The following CAPS2 variants were observed in gnomAD, a reference collection of about 807,000 sequenced individuals.
CAPS2 encodes calcyphosine 2.
A neutral mutation model predicts 86.5 loss-of-function variants in CAPS2; 98 were observed. The ratio of observed to expected loss-of-function variants is 1.13; its 90% confidence interval spans 0.96 to 1.34. CAPS2 has a LOEUF of 1.34. Ranked by LOEUF, CAPS2 falls within the 40% of genes most tolerant of loss-of-function variation. CAPS2 has a pLI of 0.00. For missense variants in CAPS2, 729 were observed against 686.8 expected (o/e 1.06, Z -0.69); for synonymous variants, 210 against 225.1 (o/e 0.93, Z 0.60).
intron 8 of CAPS2, among the ~76,000 whole-genome samples, chr12:75,302,959 T>C (rs1461687885): frequency 6.6e-6 from 1 of 152,206 alleles, no homozygotes; most frequent in Non-Finnish European, 1.5e-5. Context: ...GGGAAAGCTA[T>C]TTGGCTGCAT....
chr12:75,363,953 T>C (rs1023510271), intron 1 of CAPS2, among the ~76,000 whole-genome samples: 4 of 152,174 alleles, frequency 2.6e-5, no homozygotes, highest in Admixed American at 6.6e-5. Flanking sequence ...GATTCAAAGA[T>C]GTTCTGATTG....
chr12:75,279,480 T>C (rs776011866), intron 16 of CAPS2, among the ~76,000 whole-genome samples: 2 of 152,014 alleles, frequency 1.3e-5, no homozygotes, highest in African/African-American at 4.8e-5. Context: ...AGTCAGGTTA[T>C]GCTTTAAATA....
intron 1 of CAPS2, among the ~76,000 whole-genome samples, chr12:75,385,304 A>C (rs1257799666): frequency 6.6e-6 from 1 of 152,206 alleles, no homozygotes; most frequent in Non-Finnish European, 1.5e-5. Flanking sequence ...CAATTTGCAA[A>C]TCAACTAATG....
At chr12:75,301,781 T>C (rs2037850936) in intron 8 of CAPS2, among the ~76,000 whole-genome samples, 1 of 152,200 alleles carries the variant, frequency 6.6e-6, no homozygotes, top group South Asian at 2.1e-4. Flanking sequence ...AAGGGCCCTA[T>C]AGTCTTCTTG....
In CAPS2 at chr12:75,321,502, A is replaced by C. The variant is rs191780520; in HGVS notation, c.366T>G (p.Thr122=). ...ACTGCTTATAGCCCTCTTTAATTTC[A>C]GTTTTACATTGCTGATATTTTAGTT... Residue 122 remains threonine, a synonymous_variant, in exon 5 of 17, where the codon ACT becomes ACG. Coordinates refer to ENST00000393284, the Ensembl canonical transcript of CAPS2. 21 of 1,547,734 alleles carry C rather than the reference A, an allele frequency of 1.4e-5. No homozygotes were observed. The Admixed American group carries it at 4.1e-4, about 30-fold the overall frequency.
intron 6 of CAPS2, 21 bp downstream of exon 6, chr12:75,316,291 G>T: frequency 6.5e-7 from 1 of 1,549,268 alleles, no homozygotes; most frequent in Non-Finnish European, 8.7e-7. Flanking sequence ...CACCAAATAA[G>T]TAAAAATGCT....
At chr12:75,322,576 C>G (rs1173527810) in intron 4 of CAPS2, among the ~76,000 whole-genome samples, 1 of 152,144 alleles carries the variant, frequency 6.6e-6, no homozygotes, top group East Asian at 1.9e-4. Context: ...GAGCAAAACA[C>G]TAGATATGTT....
downstream of CAPS2, chr12:75,276,958 C>T (rs569234350): frequency 1.0e-6 from 1 of 984,544 alleles, no homozygotes; most frequent in African/African-American, 1.7e-5. Flanking sequence ...CTTAAATGCT[C>T]TTTTATTAAG....
intron 2 of CAPS2, 131 bp from the exon 4 acceptor site, chr12:75,323,353 A>G: frequency 1.7e-6 from 1 of 604,774 alleles, no homozygotes; most frequent in Middle Eastern, 4.7e-4. Context: ...CTGGCTTGTG[A>G]TAGGCTTTTG....
chr12:75,326,350 T>C (rs548964315), intron 1 of CAPS2, 68 bp downstream of exon 2: 1 of 618,290 alleles, frequency 1.6e-6, no homozygotes, highest in Non-Finnish European at 2.9e-6. Flanking sequence ...TCATAAAACA[T>C]GAAGAAAAGG....
intron 7 of CAPS2, among the ~76,000 whole-genome samples, chr12:75,308,047 GA>G (rs2038713561): frequency 6.6e-6 from 1 of 152,114 alleles, no homozygotes; most frequent in Non-Finnish European, 1.5e-5. Context: ...ATGAAAAATT[GA>G]AAATACCTGA....
intron 7 of CAPS2, among the ~76,000 whole-genome samples, chr12:75,309,736 C>T (rs775532748): frequency 1.3e-5 from 2 of 152,172 alleles, no homozygotes; most frequent in African/African-American, 2.4e-5. Flanking sequence ...ATTTGTGTGC[C>T]AAGTTAGGAA....
chr12:75,288,651 C>G (rs924529254), intron 14 of CAPS2, among the ~76,000 whole-genome samples: 1 of 152,190 alleles, frequency 6.6e-6, no homozygotes, highest in Non-Finnish European at 1.5e-5. Context: ...ACCCTCTTAG[C>G]ATGACATGCA....
intron 12 of CAPS2, among the ~76,000 whole-genome samples, chr12:75,292,920 A>T (rs537464956): frequency 6.6e-6 from 1 of 151,434 alleles, no homozygotes; most frequent in Non-Finnish European, 1.5e-5. Context: ...AAAAATTGTT[A>T]TAGTATTGTA....
In CAPS2 at chr12:75,292,309, G is replaced by A. The variant is rs564788401; in HGVS notation, c.1164-489C>T. Among the ~76,000 whole-genome samples, 223 of 151,880 alleles carry A rather than the reference G, an allele frequency of 1.5e-3. 2 individuals carry two copies. The highest frequency in any genetic ancestry group is 5.1e-3 in the African/African-American group (212 of 41,438). On this transcript the variant is annotated intron_variant, in intron 12 of 16. Transcript: ENST00000393284. ...TCTCGAACTCTTGACCTTGTGATCC[G>A]CCCACCTCAGCCTCCCAAAGTGCTG...
upstream of CAPS2, chr12:75,334,997 C>T (rs1230408471): frequency 3.3e-6 from 4 of 1,222,798 alleles, no homozygotes; most frequent in Middle Eastern, 2.8e-4. Flanking sequence ...CTAATTCAAT[C>T]CGGACTTTAC....
intron 15 of CAPS2, 27 bp downstream of exon 15, chr12:75,284,934 A>G: frequency 6.4e-7 from 1 of 1,567,216 alleles, no homozygotes; most frequent in Non-Finnish European, 8.7e-7. Context: ...AAAAATAACA[A>G]TTTGAAAGAT....
intron 2 of CAPS2, among the ~76,000 whole-genome samples, chr12:75,324,023 G>A (rs1032750947): frequency 6.6e-6 from 1 of 152,164 alleles, no homozygotes; most frequent in Admixed American, 6.5e-5. Context: ...TTAACAAGTG[G>A]TGGAGAAAAT....
At chr12:75,363,404 G>A (rs2139622111) in intron 1 of CAPS2, among the ~76,000 whole-genome samples, 1 of 152,276 alleles carries the variant, frequency 6.6e-6, no homozygotes, top group East Asian at 1.9e-4. Context: ...CTAAAGAGCA[G>A]AAAGGAATGA....
Sources: gnomAD v4.1 joint callset for allele counts (sites outside exome capture counted in the v4.1 genomes callset) on GRCh38, gnomAD v4.1.1 for gene constraint, MANE v1.5 for transcripts, NCBI Gene and HGNC (gene_info 2026-07-23, HGNC 2026-07-21) for gene names.